Variants in KIF4A observed in about 807,000 individuals in gnomAD.
KIF4A encodes kinesin family member 4A.
Under a neutral mutation model 105.9 loss-of-function variants are expected in KIF4A, and 7 were observed. That is an observed-to-expected ratio of 0.07 (90% confidence interval 0.04 to 0.12). KIF4A has a LOEUF of 0.12. Among genes scored for constraint, KIF4A ranks in the 10% least tolerant of loss-of-function variants. KIF4A has a pLI of 1.00. For missense variants in KIF4A, 558 were observed against 929.2 expected (o/e 0.60, Z 5.19); for synonymous variants, 281 against 331.3 (o/e 0.85, Z 1.65).
chrX:70,360,058 C>T (rs942974493), intron 15 of KIF4A, among the ~76,000 whole-genome samples: 1 of 111,602 alleles, frequency 9.0e-6, no homozygotes, highest in Middle Eastern at 4.6e-3. Context: ...GTGAGGGTGG[C>T]TTGTGGCCCA....
At chrX:70,350,305 C>T (rs990310061) in intron 13 of KIF4A, among the ~76,000 whole-genome samples, 10 of 111,488 alleles carry the variant, frequency 9.0e-5, no homozygotes, top group South Asian at 3.8e-4. Flanking sequence ...GTCAACACGG[C>T]GAAACCCCGT....
intron 7 of KIF4A, among the ~76,000 whole-genome samples, chrX:70,306,692 C>T (rs1190042122): frequency 9.0e-6 from 1 of 111,001 alleles, no homozygotes; most frequent in African/African-American, 3.3e-5. Flanking sequence ...AGACACATGC[C>T]AGCACACCTG....
intron 7 of KIF4A, among the ~76,000 whole-genome samples, chrX:70,321,212 G>A (rs937425010): frequency 3.6e-5 from 4 of 111,249 alleles, no homozygotes; most frequent in African/African-American, 1.3e-4. Flanking sequence ...GCTAATTCTG[G>A]TCTTTGCACA....
intron 22 of KIF4A, among the ~76,000 whole-genome samples, chrX:70,396,530 T>C (rs1192184560): frequency 8.9e-6 from 1 of 111,796 alleles, no homozygotes; most frequent in African/African-American, 3.3e-5. Context: ...CAGCACAATT[T>C]TTTCTCTTTA....
At chrX:70,337,603 T>G (rs748776856) in intron 10 of KIF4A, among the ~76,000 whole-genome samples, 2 of 110,929 alleles carry the variant, frequency 1.8e-5, no homozygotes, top group African/African-American at 6.6e-5. Context: ...CCAGGGAAGT[T>G]GAGGCTACAG....
Position 70,375,245 on chromosome X carries a change from G to T in KIF4A, c.1820G>T (p.Gly607Val), listed in dbSNP as rs2086170408. ...RRRKRLQELE[G>V]QIADLKKKLN... The stretch of plus-strand genomic sequence containing the variant: ...CGCAAACGTCTCCAGGAGCTGGAGG[G>T]TCAAATTGCTGATCTGAAGAAGAAA... The change falls in exon 17 of 31, where the codon GGT (glycine) becomes GTT (valine). Residue 607 changes from glycine to valine, a missense_variant. Physicochemically the swap from Gly to Val is moderately radical, Grantham distance 109. This residue lies in a region of KIF4A where 469 missense variants were observed against 680.4 expected (regional missense o/e 0.69). Transcript: ENST00000374403. The T allele has an allele frequency of 8.3e-7, 1 of 1,211,154 alleles. No individual in the cohort carries two copies. Among genetic ancestry groups the T allele is most frequent in the Non-Finnish European group, 1.1e-6 (1 of 895,219 alleles).
intron 7 of KIF4A, among the ~76,000 whole-genome samples, chrX:70,319,766 A>G (rs1475347927): frequency 8.9e-6 from 1 of 112,524 alleles, no homozygotes; most frequent in African/African-American, 3.2e-5. Context: ...CCATGTAACC[A>G]ACATAAATAG....
intron 15 of KIF4A, among the ~76,000 whole-genome samples, chrX:70,372,478 C>CA (rs1340424909): frequency 8.8e-6 from 1 of 113,748 alleles, no homozygotes; most frequent in Non-Finnish European, 1.9e-5. Flanking sequence ...CCGTCTCCAC[C>CA]AAAAAAATAC....
chrX:70,334,500 A>G (rs997789585), intron 10 of KIF4A, among the ~76,000 whole-genome samples: 1 of 112,022 alleles, frequency 8.9e-6, no homozygotes, highest in Non-Finnish European at 1.9e-5. Flanking sequence ...TCTGCAATCT[A>G]TTTATTTACT....
intron 14 of KIF4A, 152 bp from the exon 15 acceptor site, chrX:70,353,470 C>A: frequency 2.1e-6 from 1 of 468,258 alleles, no homozygotes; most frequent in Non-Finnish European, 3.5e-6. Flanking sequence ...CTATTTATTT[C>A]AGATACTTAA....
intron 24 of KIF4A, 31 bp downstream of exon 24, chrX:70,404,065 G>A (rs2086291400): frequency 3.4e-6 from 4 of 1,189,055 alleles, no homozygotes; most frequent in Admixed American, 2.2e-5. Context: ...AAGCTATACT[G>A]TGAAACTATC....
intron 8 of KIF4A, 98 bp downstream of exon 8, chrX:70,329,619 T>C (rs2085922863): frequency 3.2e-6 from 2 of 631,507 alleles, no homozygotes; most frequent in Non-Finnish European, 5.1e-6. Context: ...ATTTGGACTA[T>C]GACATACACA....
intron 10 of KIF4A, among the ~76,000 whole-genome samples, chrX:70,337,928 A>AT (rs1366941244): frequency 1.8e-5 from 2 of 111,091 alleles, no homozygotes; most frequent in African/African-American, 3.3e-5. Flanking sequence ...TCACCAATGT[A>AT]TTTTTTTTAT....
intron 22 of KIF4A, among the ~76,000 whole-genome samples, chrX:70,399,625 T>C (rs2086272788): frequency 9.1e-6 from 1 of 109,630 alleles, no homozygotes; most frequent in Non-Finnish European, 1.9e-5. Context: ...GATTGCAAGA[T>C]AGACTGATGA....
intron 7 of KIF4A, among the ~76,000 whole-genome samples, chrX:70,324,557 T>C (rs2085903294): frequency 8.9e-6 from 1 of 112,054 alleles, no homozygotes; most frequent in African/African-American, 3.2e-5. Context: ...CTTCATTCCT[T>C]TTCCACTGCT....
intron 18 of KIF4A, among the ~76,000 whole-genome samples, chrX:70,379,403 G>T (rs1231188711): frequency 9.0e-6 from 1 of 111,662 alleles, no homozygotes; most frequent in Non-Finnish European, 1.9e-5. Flanking sequence ...CCCATGACAA[G>T]AAGTTAAATT....
In KIF4A at chrX:70,373,616, ATATATATACG is replaced by A. The variant is rs1195408601; in HGVS notation, c.1675-526_1675-517del. On this transcript the variant is annotated intron_variant, in intron 15 of 30. Transcript: ENST00000374403. Reference sequence around the variant, plus strand: ...CGTATATATATACATATATACGTGTATATATATACGTATATATATACATATATACGTGTAT... The same window carrying A: ...CGTATATATATACATATATACGTGTATATATATATACATATATACGTGTAT... Among the ~76,000 whole-genome samples, 7 of 5,045 alleles carry A rather than the reference ATATATATACG, an allele frequency of 1.4e-3. 2 individuals are homozygous for A. The highest frequency in any genetic ancestry group is 2.4e-3 in the African/African-American group (7 of 2,953). The allele number at this position is 5,045 out of a possible 115,157, so 4.4% of individuals were successfully genotyped here. A position where few individuals can be genotyped will look rare whatever the true frequency, so the allele number is the denominator to read the frequency against.
At position 70,301,031 on chromosome X, in the gene KIF4A, T is replaced by C. The variant is rs1324859593; in HGVS notation, c.517-869T>C. Among the ~76,000 whole-genome samples, 10 of 111,786 alleles carry C rather than the reference T, an allele frequency of 8.9e-5. 1 individual carries two copies. The Admixed American group carries it at 9.5e-4, about 11-fold the overall frequency. ...AGATGTGTAAAGGAAAAGGAAGTGA[T>C]GGATTCAAAAGGAGAATGACTAGTA... On this transcript the variant is annotated intron_variant, in intron 5 of 30. Coordinates refer to ENST00000374403, the MANE Select transcript of KIF4A (RefSeq NM_012310.5).
intron 7 of KIF4A, among the ~76,000 whole-genome samples, chrX:70,305,766 C>T (rs1460431904): frequency 1.8e-5 from 2 of 111,743 alleles, no homozygotes; most frequent in Admixed American, 9.5e-5. Flanking sequence ...GAAGAACTAC[C>T]ATCACACTGT....
Sources: allele counts gnomAD v4.1 joint callset (sites outside exome capture counted in the v4.1 genomes callset), GRCh38; gene constraint gnomAD v4.1.1; regional missense constraint gnomAD v4.1.1; transcripts MANE v1.5; gene names NCBI Gene and HGNC (gene_info 2026-07-23, HGNC 2026-07-21).